IFNA10: variants seen among roughly 807,000 people sequenced by gnomAD.
The protein encoded by IFNA10 is interferon alpha 10, also known as interferon alpha-10.
For missense variants in IFNA10, 246 were observed against 213.0 expected, an observed-to-expected ratio of 1.15 and a Z score of -0.96; for synonymous variants, 96 against 83.7, an observed-to-expected ratio of 1.15 and a Z score of -0.80.
In IFNA10 at chr9:21,206,297, T is replaced by A; in HGVS notation, c.*231A>T. On this transcript the variant is annotated 3_prime_UTR_variant, in exon 1 of 1. Coordinates refer to ENST00000357374, the MANE Select transcript of IFNA10 (RefSeq NM_002171.2). ...CATGATATTACATAAATTTTAAAAA[T>A]AATTAAATAAATATTTAAACAAAAG... is the stretch of plus-strand genomic sequence containing the variant. The A allele has an allele frequency of 2.3e-6, 1 of 426,188 alleles. No individual in the cohort carries two copies. Among genetic ancestry groups the A allele is most frequent in the Non-Finnish European group, 3.9e-6 (1 of 256,170 alleles). The allele number at this position is 426,188 out of a possible 1,614,324, so 26.4% of individuals were successfully genotyped here. A position where few individuals can be genotyped will look rare whatever the true frequency, so the allele number is the denominator to read the frequency against.
Position 21,206,611 on chromosome 9 carries a change from C to T in IFNA10, c.487G>A (p.Ala163Thr). The change falls in exon 1 of 1, where the codon GCC becomes ACC. Residue 163 changes from alanine to threonine, a missense_variant. Ala to Thr is a moderately conservative substitution (Grantham distance 58). Coordinates refer to ENST00000357374, the MANE Select transcript of IFNA10 (RefSeq NM_002171.2). ...ATTTCTGCTCTGACAACCTCCCAGG[C>T]ACAAGGGCTGTATTTCCTCTCTATT... ...YLIERKYSPC[A>T]WEVVRAEIMR... 6.2e-7 allele frequency: 1 copy of T among 1,613,918 alleles called. No homozygotes were observed. The highest frequency in any genetic ancestry group is 1.3e-5 in the African/African-American group (1 of 74,870).
In IFNA10 at chr9:21,206,302, A is replaced by G. The variant is rs1455255253; in HGVS notation, c.*226T>C. On this transcript the variant is annotated 3_prime_UTR_variant, in exon 1 of 1. Transcript: ENST00000357374. ...TATTACATAAATTTTAAAAATAATT[A>G]AATAAATATTTAAACAAAAGATGAA... The G allele has an allele frequency of 2.5e-5, 11 of 444,570 alleles. No homozygotes were observed. The highest frequency in any genetic ancestry group is 1.3e-4 in the Admixed American group (3 of 23,900). 27.5% of individuals were successfully genotyped at this position (444,570 alleles called of 1,614,324 possible). A position where few individuals can be genotyped will look rare whatever the true frequency, so the allele number is the denominator to read the frequency against.
Position 21,206,545 on chromosome 9 carries a change from A to T in IFNA10, c.553T>A (p.Leu185Ile). Residue 185 changes from leucine (L) to isoleucine (I), a missense_variant, in exon 1 of 1, where the codon TTA (leucine) becomes ATA (isoleucine). Transcript: ENST00000357374. ...ACCAGTTTTCAATCCTTCCTCCTTA[A>T]TCTTTTTTGCAAGTTTGTTGAAAAC... is the stretch of plus-strand genomic sequence containing the variant. Reference protein sequence around the residue: ...LSFSTNLQKRLRRKD With the variant: ...LSFSTNLQKRIRRKD 6.2e-7 allele frequency: 1 copy of T among 1,613,706 alleles called. No individual in the cohort carries two copies. Among genetic ancestry groups the T allele is most frequent in the Non-Finnish European group, 8.5e-7 (1 of 1,179,920 alleles).
rs1175297321 is a variant in IFNA10, at chr9:21,206,352, T to C, written c.*176A>G. 2 of 911,558 alleles carry C rather than the reference T, an allele frequency of 2.2e-6. No individual in the cohort carries two copies. Among genetic ancestry groups the C allele is most frequent in the Non-Finnish European group, 3.3e-6 (2 of 613,818 alleles). The allele number at this position is 911,558 out of a possible 1,614,324, so 56.5% of individuals were successfully genotyped here. ...ACAGAGACATCAGAATGGTCATCTG[T>C]AAAGGACTAGTGCCTGCACAGGTAT... On this transcript the variant is annotated 3_prime_UTR_variant, in exon 1 of 1. Coordinates refer to ENST00000357374, the MANE Select transcript of IFNA10 (RefSeq NM_002171.2).
rs1818286260 is a variant in IFNA10 at position 21,207,066 on chromosome 9, A to G, written c.32T>C (p.Val11Ala). The change falls in exon 1 of 1, where the codon GTG (valine) becomes GCG (alanine). Residue 11 changes from valine (V) to alanine (A), a missense_variant. Transcript: ENST00000357374. The part of the protein sequence containing the change: MALSFSLLMA[V>A]LVLSYKSICS... ...GATGGATTTGTAGCTGAGCACCAGC[A>G]CGGCCATAAGTAAAGAAAAGGACAG... 2 of 1,611,240 alleles carry G rather than the reference A, an allele frequency of 1.2e-6. No homozygotes were observed. Among genetic ancestry groups the G allele is most frequent in the Admixed American group, 1.7e-5 (1 of 59,442 alleles).
Position 21,206,405 on chromosome 9 carries a change from A to G in IFNA10, c.*123T>C. ...ACGACACTTCTTTACACTGCTGAAA[A>G]CATTTGAAAATTTTGATTCAACGCG... On this transcript the variant is annotated 3_prime_UTR_variant, in exon 1 of 1. Coordinates refer to ENST00000357374, the MANE Select transcript of IFNA10 (RefSeq NM_002171.2). 1.3e-6 allele frequency: 2 copies of G among 1,513,388 alleles called. No individual in the cohort carries two copies. Among genetic ancestry groups the G allele is most frequent in the Non-Finnish European group, 1.8e-6 (2 of 1,121,774 alleles). The allele number at this position is 1,513,388 out of a possible 1,614,324, so 93.7% of individuals were successfully genotyped here. A position where few individuals can be genotyped will look rare whatever the true frequency, so the allele number is the denominator to read the frequency against.
In IFNA10 at chr9:21,206,561, T is replaced by G. The variant is rs1274282774; in HGVS notation, c.537A>C (p.Thr179=). The G allele has an allele frequency of 2.1e-5, 34 of 1,613,842 alleles. No individual in the cohort carries two copies. Among genetic ancestry groups the G allele is most frequent in the Non-Finnish European group, 2.8e-5 (33 of 1,179,942 alleles). ...AEIMRSLSFS[T]NLQKRLRRKD ...TCCTCCTTAATCTTTTTTGCAAGTTTGTTGAAAACGAGAGGGATCTCATGA... is the reference window on the plus strand; with the variant it reads ...TCCTCCTTAATCTTTTTTGCAAGTTGGTTGAAAACGAGAGGGATCTCATGA... The change falls in exon 1 of 1, where the codon ACA becomes ACC. Residue 179 remains threonine (T), a synonymous_variant. Transcript: ENST00000357374.
In IFNA10 at chr9:21,206,351, G is replaced by A; in HGVS notation, c.*177C>T. ...AACAGAGACATCAGAATGGTCATCT[G>A]TAAAGGACTAGTGCCTGCACAGGTA... On this transcript the variant is annotated 3_prime_UTR_variant, in exon 1 of 1. Transcript: ENST00000357374. The A allele has an allele frequency of 3.3e-6, 3 of 902,414 alleles. No individual in the cohort carries two copies. Among genetic ancestry groups the A allele is most frequent in the Non-Finnish European group, 5.0e-6 (3 of 605,696 alleles). The allele number at this position is 902,414 out of a possible 1,614,324, so 55.9% of individuals were successfully genotyped here.
rs1287679793 is a variant in IFNA10, at chr9:21,206,862, A to G, written c.236T>C (p.Val79Ala). The change falls in exon 1 of 1, where the codon GTC becomes GCC. Residue 79 changes from valine to alanine, a missense_variant. Coordinates refer to ENST00000357374, the MANE Select transcript of IFNA10 (RefSeq NM_002171.2). ...NQFQKAQAIS[V>A]LHEMIQQTFN... The stretch of plus-strand genomic sequence containing the variant: ...GGTCTGCTGGATCATCTCATGGAGG[A>G]CAGAGATGGCTTGAGCCTTCTGGAA... The G allele has an allele frequency of 9.3e-6, 15 of 1,613,388 alleles. No individual in the cohort carries two copies. Among genetic ancestry groups the G allele is most frequent in the East Asian group, 2.2e-5 (1 of 44,886 alleles).
At position 21,206,770 on chromosome 9, in the gene IFNA10, T is replaced by C. The variant is rs377067799; in HGVS notation, c.328A>G (p.Thr110Ala). 9.3e-6 allele frequency: 15 copies of C among 1,612,814 alleles called. No individual in the cohort carries two copies. The highest frequency in any genetic ancestry group is 1.2e-5 in the Non-Finnish European group (14 of 1,179,438). Residue 110 changes from threonine (T) to alanine (A), a missense_variant, in exon 1 of 1, where the codon ACT becomes GCT. Coordinates refer to ENST00000357374, the MANE Select transcript of IFNA10 (RefSeq NM_002171.2). ...TCATTCAGTTGCTGGTAAAGTTCAG[T>C]GGAAAATTTTTCTAGGAGGCTCTGT... ...WEQSLLEKFS[T>A]ELYQQLNDLE...
Position 21,206,507 on chromosome 9 carries a change from A to G in IFNA10, c.*21T>C, listed in dbSNP as rs112806983. 2.8e-4 allele frequency: 445 copies of G among 1,612,376 alleles called. 4 individuals are homozygous for G. In the African/African-American group the frequency reaches 5.5e-3, roughly 20 times the overall value. The stretch of plus-strand genomic sequence containing the variant: ...GATAATGTATTAGTCAATCAGGATC[A>G]TTGCCATGTTGAACCAGTTTTCAAT... On this transcript the variant is annotated 3_prime_UTR_variant, in exon 1 of 1. Coordinates refer to ENST00000357374, the MANE Select transcript of IFNA10 (RefSeq NM_002171.2).
chr9:21,206,320 A>T lies in IFNA10; in HGVS notation c.*208T>A, dbSNP rs1818267993. The T allele has an allele frequency of 1.9e-6, 1 of 537,586 alleles. No homozygotes were observed. The highest frequency in any genetic ancestry group is 3.5e-5 in the East Asian group (1 of 28,484). 33.3% of individuals were successfully genotyped at this position (537,586 alleles called of 1,614,324 possible). A position where few individuals can be genotyped will look rare whatever the true frequency, so the allele number is the denominator to read the frequency against. On this transcript the variant is annotated 3_prime_UTR_variant, in exon 1 of 1. Coordinates refer to ENST00000357374, the MANE Select transcript of IFNA10 (RefSeq NM_002171.2). ...AATAATTAAATAAATATTTAAACAA[A>T]AGATGAACAGAGACATCAGAATGGT...
At position 21,207,093 on chromosome 9, in the gene IFNA10, G is replaced by A; in HGVS notation, c.5C>T (p.Ala2Val). Residue 2 changes from alanine (A) to valine (V), a missense_variant, in exon 1 of 1, where the codon GCC becomes GTC. Physicochemically the swap from Ala to Val is moderately conservative, Grantham distance 64. Transcript: ENST00000357374. ...GGCCATAAGTAAAGAAAAGGACAGG[G>A]CCATTGGGATGTTGCAAATATTGCT... M[A>V]LSFSLLMAVL... 2 of 1,597,672 alleles carry A rather than the reference G, an allele frequency of 1.3e-6. No homozygotes were observed. Among genetic ancestry groups the A allele is most frequent in the Non-Finnish European group, 1.7e-6 (2 of 1,173,216 alleles).
Position 21,207,074 on chromosome 9 carries a change from A to C in IFNA10, c.24T>G (p.Leu8=), listed in dbSNP as rs147125948. Residue 8 remains leucine, a synonymous_variant, in exon 1 of 1, where the codon CTT becomes CTG. Transcript: ENST00000357374. ...TGTAGCTGAGCACCAGCACGGCCATAAGTAAAGAAAAGGACAGGGCCATTG... is the reference window on the plus strand; with the variant it reads ...TGTAGCTGAGCACCAGCACGGCCATCAGTAAAGAAAAGGACAGGGCCATTG... MALSFSL[L]MAVLVLSYKS... 2.6e-3 allele frequency: 4,240 copies of C among 1,608,458 alleles called. 150 individuals carry two copies. In the East Asian group the frequency reaches 0.069, roughly 26 times the overall value.
chr9:21,206,768 A>G lies in IFNA10; in HGVS notation c.330T>C (p.Thr110=). ...GGTCATTCAGTTGCTGGTAAAGTTCAGTGGAAAATTTTTCTAGGAGGCTCT... is the reference window on the plus strand; with the variant it reads ...GGTCATTCAGTTGCTGGTAAAGTTCGGTGGAAAATTTTTCTAGGAGGCTCT... The part of the protein sequence containing the change: ...WEQSLLEKFS[T]ELYQQLNDLE... Residue 110 remains threonine, a synonymous_variant, in exon 1 of 1, where the codon ACT becomes ACC. Transcript: ENST00000357374. The G allele has an allele frequency of 1.2e-6, 2 of 1,612,864 alleles. No individual in the cohort carries two copies.
rs10117060 is a variant in IFNA10 at position 21,207,032 on chromosome 9, T to C, written c.66A>G (p.Leu22=). Residue 22 remains leucine (L), a synonymous_variant, in exon 1 of 1, where the codon CTA becomes CTG. Coordinates refer to ENST00000357374, the MANE Select transcript of IFNA10 (RefSeq NM_002171.2). ...LVLSYKSICS[L]GCDLPQTHSL... Reference sequence around the variant, plus strand: ...TGTGGGTCTGAGGCAGATCACAGCCTAGAGAACAGATGGATTTGTAGCTGA... The same window carrying C: ...TGTGGGTCTGAGGCAGATCACAGCCCAGAGAACAGATGGATTTGTAGCTGA... 0.21 allele frequency: 302,538 copies of C among 1,469,650 alleles called. 47,187 individuals are homozygous for C. Among genetic ancestry groups the C allele is most frequent in the East Asian group, 0.54 (23,508 of 43,704 alleles). The allele number at this position is 1,469,650 out of a possible 1,614,324, so 91.0% of individuals were successfully genotyped here. A position where few individuals can be genotyped will look rare whatever the true frequency, so the allele number is the denominator to read the frequency against.
chr9:21,207,117 C>A lies in IFNA10; in HGVS notation c.-20G>T, dbSNP rs1484241444. On this transcript the variant is annotated 5_prime_UTR_variant, in exon 1 of 1. Transcript: ENST00000357374. ...GGCCATTGGGATGTTGCAAATATTGCTAGGCTACTTGAGATGGATAACCTT... is the reference window on the plus strand; with the variant it reads ...GGCCATTGGGATGTTGCAAATATTGATAGGCTACTTGAGATGGATAACCTT... 1 of 1,580,198 alleles carries A rather than the reference C, an allele frequency of 6.3e-7. No homozygotes were observed. The highest frequency in any genetic ancestry group is 1.4e-5 in the African/African-American group (1 of 73,470).
In IFNA10 at chr9:21,206,385, A is replaced by G. The variant is rs1062586; in HGVS notation, c.*143T>C. 1,431 of 1,372,284 alleles carry G rather than the reference A, an allele frequency of 1.0e-3. 25 individuals are homozygous for G. In the African/African-American group the frequency reaches 0.019, roughly 18 times the overall value. 85.0% of individuals were successfully genotyped at this position (1,372,284 alleles called of 1,614,324 possible). ...TAGTGCCTGCACAGGTATACACGACACTTCTTTACACTGCTGAAAACATTT... is the reference window on the plus strand; with the variant it reads ...TAGTGCCTGCACAGGTATACACGACGCTTCTTTACACTGCTGAAAACATTT... On this transcript the variant is annotated 3_prime_UTR_variant, in exon 1 of 1. Transcript: ENST00000357374.
At position 21,206,885 on chromosome 9, in the gene IFNA10, G is replaced by T; in HGVS notation, c.213C>A (p.Phe71Leu). Residue 71 changes from phenylalanine (F) to leucine (L), a missense_variant, in exon 1 of 1, where the codon TTC becomes TTA. Phe to Leu is a conservative substitution (Grantham distance 22, BLOSUM62 0). Coordinates refer to ENST00000357374, the MANE Select transcript of IFNA10 (RefSeq NM_002171.2). ...IPQEEFDGNQ[F>L]QKAQAISVLH... ...GGACAGAGATGGCTTGAGCCTTCTG[G>T]AACTGGTTGCCATCAAACTCCTCCT... 4 of 1,613,772 alleles carry T rather than the reference G, an allele frequency of 2.5e-6. No homozygotes were observed. The highest frequency in any genetic ancestry group is 3.4e-6 in the Non-Finnish European group (4 of 1,179,932).
Sources: gnomAD v4.1 joint callset for allele counts on GRCh38, gnomAD v4.1.1 for gene constraint, MANE v1.5 for transcripts, NCBI Gene and HGNC (gene_info 2026-07-23, HGNC 2026-07-21) for gene names.